TRIM37: variants seen among roughly 807,000 people sequenced by gnomAD.
TRIM37 encodes E3 ubiquitin-protein ligase TRIM37.
A neutral mutation model predicts 129.8 loss-of-function variants in TRIM37; 80 were observed. The observed-to-expected ratio is 0.62, with a 90% CI of 0.51 to 0.74. TRIM37 has a LOEUF of 0.74. TRIM37 is among the 30% of genes least tolerant of loss of function. The pLI is 0.00. For synonymous variants in TRIM37, 389 were observed against 387.1 expected, an observed-to-expected ratio of 1.00 and a Z score of -0.06; for missense variants, 1,054 against 1,176.5, an observed-to-expected ratio of 0.90 and a Z score of 1.52.
chr17:58,983,091 TTCTC>T, intron 24 of TRIM37: 1 of 581,842 alleles, frequency 1.7e-6, no homozygotes, highest in Non-Finnish European at 2.9e-6. Context: ...ATGCTAGGCT[TTCTC>T]AGTGGGGAAA....
the TRIM37 span, among the ~76,000 whole-genome samples, chr17:58,977,495 G>C: frequency 1.3e-5 from 2 of 151,702 alleles, no homozygotes; most frequent in African/African-American, 4.8e-5. Flanking sequence ...GCCTAGATAT[G>C]AGTAAGATGA....
At chr17:58,979,926 C>G, downstream of TRIM37, 1 of 1,460,206 alleles carries the variant, frequency 6.8e-7, no homozygotes, top group Non-Finnish European at 9.4e-7. Flanking sequence ...TCTTAGCATG[C>G]AAGGTAAAAC....
chr17:58,978,045 G>C (rs1019464603), downstream of TRIM37, among the ~76,000 whole-genome samples: 4 of 152,264 alleles, frequency 2.6e-5, no homozygotes, highest in African/African-American at 9.6e-5. Context: ...ACTTTCTTGT[G>C]TCAAAGAGAA....
At chr17:59,009,116 GTTCT>G (rs1218279134) in intron 22 of TRIM37, among the ~76,000 whole-genome samples, 1 of 152,144 alleles carries the variant, frequency 6.6e-6, no homozygotes, top group South Asian at 2.1e-4. Context: ...GCTCTTCCAA[GTTCT>G]TTTTTTTCTT....
In TRIM37 at chr17:59,039,482, G is replaced by A. The variant is rs1243128306; in HGVS notation, c.1753+2331C>T. ...CTGCCTCAGCCTCCCGAGTAGCTGG[G>A]ACTACAGGCGCCTGCCATCACACCT... On this transcript the variant is annotated intron_variant, in intron 17 of 23. Coordinates refer to ENST00000262294, the MANE Select transcript of TRIM37 (RefSeq NM_015294.6). 9.9e-5 allele frequency among the ~76,000 whole-genome samples: 15 copies of A among 152,012 alleles called. 1 individual carries two copies. Among genetic ancestry groups the A allele is most frequent in the Non-Finnish European group, 1.5e-5 (1 of 68,016 alleles).
intron 9 of TRIM37, among the ~76,000 whole-genome samples, chr17:59,064,892 T>C (rs118110456): frequency 0.012 from 1,866 of 151,608 alleles, 24 homozygotes; most frequent in Non-Finnish European, 0.019. Context: ...CTATTAAAAA[T>C]ACGCAAAAAT....
At chr17:59,000,333 C>G (rs1188550054) in intron 23 of TRIM37, among the ~76,000 whole-genome samples, 2 of 152,186 alleles carry the variant, frequency 1.3e-5, no homozygotes, top group African/African-American at 4.8e-5. Context: ...GGCATGGTAG[C>G]TCACACCTGT....
intron 22 of TRIM37, 94 bp from the exon 23 acceptor site, chr17:59,001,808 T>C (rs550031846): frequency 8.5e-6 from 13 of 1,526,242 alleles, no homozygotes; most frequent in South Asian, 2.3e-5. Flanking sequence ...GAGATTCCTA[T>C]TGAATTTTAC....
chr17:59,084,842 C>T (rs1659293507), intron 4 of TRIM37, among the ~76,000 whole-genome samples: 1 of 152,100 alleles, frequency 6.6e-6, no homozygotes, highest in Non-Finnish European at 1.5e-5. Context: ...TAGGTGGTGG[C>T]CATCTATAAG....
intron 3 of TRIM37, among the ~76,000 whole-genome samples, chr17:59,088,801 C>T (rs1379998766): frequency 2.6e-5 from 4 of 151,034 alleles, no homozygotes; most frequent in Non-Finnish European, 5.9e-5. Flanking sequence ...CACTACCTGG[C>T]CCCATAATAC....
chr17:59,081,629 C>T (rs1029441928), intron 5 of TRIM37, among the ~76,000 whole-genome samples: 3 of 152,000 alleles, frequency 2.0e-5, no homozygotes, highest in African/African-American at 7.2e-5. Flanking sequence ...AATTATTAGC[C>T]AGGGGTGGTG....
At position 59,047,960 on chromosome 17, in the gene TRIM37, A is replaced by G. The variant is rs569533099; in HGVS notation, c.1531-141T>C. On this transcript the variant is annotated intron_variant, in intron 15 of 23. Coordinates refer to ENST00000262294, the MANE Select transcript of TRIM37 (RefSeq NM_015294.6). ...TTCTGCTCCTGTGCCTCAGCTGCTGAGCCCTGTAGAGAAAAATCACACAAC... is the reference window on the plus strand; with the variant it reads ...TTCTGCTCCTGTGCCTCAGCTGCTGGGCCCTGTAGAGAAAAATCACACAAC... 13 of 925,490 alleles carry G rather than the reference A, an allele frequency of 1.4e-5. No homozygotes were observed. In the South Asian group the frequency reaches 1.9e-4, roughly 13 times the overall value. The allele number at this position is 925,490 out of a possible 1,614,324, so 57.3% of individuals were successfully genotyped here.
intron 18 of TRIM37, among the ~76,000 whole-genome samples, chr17:59,029,983 CAG>C: frequency 7.1e-6 from 1 of 141,676 alleles, no homozygotes; most frequent in African/African-American, 2.7e-5. Context: ...TCAGTAAAAA[CAG>C]ATATTCATCA....
At chr17:59,106,402 G>C (rs1194588760) in intron 1 of TRIM37, 39 bp downstream of exon 1, 12 of 1,613,230 alleles carry the variant, frequency 7.4e-6, no homozygotes, top group Non-Finnish European at 1.0e-5. Context: ...CTCATCGGGT[G>C]GGGGCGGGGA....
chr17:59,005,429 A>G (rs2034356562), intron 22 of TRIM37, among the ~76,000 whole-genome samples: 1 of 152,044 alleles, frequency 6.6e-6, no homozygotes, highest in African/African-American at 2.4e-5. Context: ...GATTACAGGC[A>G]TGTGCCACCA....
chr17:59,057,754 C>T (rs2041095877), intron 12 of TRIM37, among the ~76,000 whole-genome samples: 1 of 152,114 alleles, frequency 6.6e-6, no homozygotes, highest in African/African-American at 2.4e-5. Context: ...AAACTCTTGA[C>T]CTCAGATGAT....
the TRIM37 span, chr17:58,972,346 A>G: frequency 6.8e-7 from 1 of 1,465,630 alleles, no homozygotes; most frequent in Non-Finnish European, 9.2e-7. Flanking sequence ...ATTGATTAGG[A>G]TTCACTTACT....
At chr17:59,031,823 A>T in intron 18 of TRIM37, 73 bp downstream of exon 18, 1 of 1,468,172 alleles carries the variant, frequency 6.8e-7, no homozygotes, top group Non-Finnish European at 9.5e-7. Context: ...TAGCTGAAAT[A>T]CTTAAATGAA....
chr17:59,017,399 G>C lies in TRIM37; in HGVS notation c.2283C>G (p.Pro761=), dbSNP rs770804633. The C allele has an allele frequency of 1.2e-5, 19 of 1,613,922 alleles. No homozygotes were observed. The highest frequency in any genetic ancestry group is 1.5e-5 in the Non-Finnish European group (18 of 1,179,988). ...CTGCTACACTGGATCGAGCTGGCTT[G>C]GGCGAATTACTCTTCTTATTTGTGG... ...RNSTNKKSNS[P]KPARSSVAGS... is the part of the protein sequence containing the mutation. The change falls in exon 20 of 24, where the codon CCC becomes CCG. Residue 761 remains proline, a synonymous_variant. Transcript: ENST00000262294.
Sources: allele counts gnomAD v4.1 joint callset (sites outside exome capture counted in the v4.1 genomes callset), GRCh38; gene constraint gnomAD v4.1.1; transcripts MANE v1.5; gene names NCBI Gene and HGNC (gene_info 2026-07-23, HGNC 2026-07-21).